The following PFKFB3 variants were observed in gnomAD, a reference collection of about 807,000 sequenced individuals.
PFKFB3 encodes 6-phosphofructo-2-kinase/fructose-2,6-bisphosphatase 3.
A neutral mutation model predicts 68.0 loss-of-function variants in PFKFB3; 33 were observed. The ratio of observed to expected loss-of-function variants is 0.49; its 90% CI spans 0.37 to 0.65. PFKFB3 has a LOEUF of 0.65. PFKFB3 is among the 30% of genes least tolerant of loss of function. The probability of loss-of-function intolerance (pLI) is 0.00; values close to 1 mark genes in which losing one functional copy is unlikely to be tolerated. For missense variants in PFKFB3, 586 were observed against 712.2 expected (o/e 0.82, Z 2.02); for synonymous variants, 315 against 288.2 (o/e 1.09, Z -0.94).
chr10:6,290,604 T>A, the PFKFB3 span, among the ~76,000 whole-genome samples: 8 of 151,674 alleles, frequency 5.3e-5, no homozygotes, highest in Admixed American at 1.3e-4. Context: ...GTACAAATGA[T>A]TCTTGTGCCT....
At chr10:6,267,454 T>C in the PFKFB3 span, among the ~76,000 whole-genome samples, 1 of 152,120 alleles carries the variant, frequency 6.6e-6, no homozygotes, top group Admixed American at 6.5e-5. Flanking sequence ...GGCTCCTTAG[T>C]GGTTAGAGTT....
At chr10:6,247,643 C>G (rs1268751405) in intron 14 of PFKFB3, among the ~76,000 whole-genome samples, 1 of 152,220 alleles carries the variant, frequency 6.6e-6, no homozygotes, top group Non-Finnish European at 1.5e-5. Flanking sequence ...AGGAACGCCT[C>G]CCTCTCCTCT....
chr10:6,194,958 C>T (rs752508980), intron 1 of PFKFB3, among the ~76,000 whole-genome samples: 2 of 151,912 alleles, frequency 1.3e-5, no homozygotes, highest in African/African-American at 2.4e-5. Flanking sequence ...CTGCAACCTC[C>T]GCCTCCCAGG....
intron 1 of PFKFB3, chr10:6,152,371 C>G (rs1220789635): frequency 6.6e-6 from 1 of 152,472 alleles, no homozygotes; most frequent in Admixed American, 6.5e-5. Flanking sequence ...AGGCTTTACC[C>G]GTCCACACTG....
Position 6,220,516 on chromosome 10 carries a change from TAGA to T in PFKFB3, c.624-139_624-137del. The T allele has an allele frequency of 1.4e-6, 1 of 702,176 alleles. No individual in the cohort carries two copies. Among genetic ancestry groups the T allele is most frequent in the East Asian group, 2.6e-5 (1 of 37,820 alleles). The allele number at this position is 702,176 out of a possible 1,614,324, so 43.5% of individuals were successfully genotyped here. On this transcript the variant is annotated intron_variant, in intron 7 of 14. Coordinates refer to ENST00000379775, the MANE Select transcript of PFKFB3 (RefSeq NM_004566.4). The surrounding 1 kb of genome is among the most constrained non-coding windows in gnomAD (Gnocchi z 4.1). ...TGTCTTACGCATATGCTCTGCCCCTTAGAAGGATTCAGTCTGTGCCCTGGAGGG... is the reference window on the plus strand; with the variant it reads ...TGTCTTACGCATATGCTCTGCCCCTTAGGATTCAGTCTGTGCCCTGGAGGG...
chr10:6,262,692 G>T, the PFKFB3 span, among the ~76,000 whole-genome samples: 2 of 152,120 alleles, frequency 1.3e-5, no homozygotes, highest in Non-Finnish European at 2.9e-5. Flanking sequence ...TGGTCACATA[G>T]GTTTCAGAGT....
At chr10:6,230,600 G>A (rs1275897608) in intron 14 of PFKFB3, among the ~76,000 whole-genome samples, 1 of 152,100 alleles carries the variant, frequency 6.6e-6, no homozygotes, top group Non-Finnish European at 1.5e-5. Context: ...GGGCTTGCTG[G>A]CATTGGGTCA....
the PFKFB3 span, among the ~76,000 whole-genome samples, chr10:6,301,419 A>G: frequency 6.6e-6 from 1 of 152,192 alleles, no homozygotes; most frequent in African/African-American, 2.4e-5. Context: ...ATCATTTGAG[A>G]TACATCCTTA....
At chr10:6,180,743 TG>T (rs1564602349) in intron 1 of PFKFB3, among the ~76,000 whole-genome samples, 1 of 152,194 alleles carries the variant, frequency 6.6e-6, no homozygotes, top group South Asian at 2.1e-4. Flanking sequence ...AGATTACAGG[TG>T]CAAGCCACCG....
chr10:6,183,761 C>T (rs1842790516), intron 1 of PFKFB3, among the ~76,000 whole-genome samples: 1 of 150,490 alleles, frequency 6.6e-6, no homozygotes, highest in Non-Finnish European at 1.5e-5. Flanking sequence ...GATCTCGGCT[C>T]ACTGCAAGCT....
rs767233787 is a variant in PFKFB3, at chr10:6,213,757, G to A, written c.202+9G>A. On this transcript the variant is annotated intron_variant, in intron 2 of 14. Transcript: ENST00000379775. ...TGGCGTCCCCACAAAAGGTGAGACT[G>A]GGTCTCGAGGCCGGACCCCTGCTCG... 6.2e-7 allele frequency: 1 copy of A among 1,610,454 alleles called. No individual in the cohort carries two copies. Among genetic ancestry groups the A allele is most frequent in the Non-Finnish European group, 8.5e-7 (1 of 1,178,430 alleles).
chr10:6,258,080 T>C (rs1846508707), downstream of PFKFB3, among the ~76,000 whole-genome samples: 1 of 152,122 alleles, frequency 6.6e-6, no homozygotes, highest in East Asian at 1.9e-4. Flanking sequence ...TATGCAGCCA[T>C]CAATAAGAAG....
chr10:6,302,362 G>GTTTTTTTTTT, the PFKFB3 span, among the ~76,000 whole-genome samples: 4 of 78,514 alleles, frequency 5.1e-5, no homozygotes, highest in African/African-American at 1.9e-4. Context: ...TGCCTGGCCA[G>GTTTTTTTTTT]TTTTTTTTTT....
At chr10:6,184,771 C>CTTTTTT (rs35388630) in intron 1 of PFKFB3, among the ~76,000 whole-genome samples, 1 of 121,450 alleles carries the variant, frequency 8.2e-6, no homozygotes, top group Non-Finnish European at 1.6e-5. Flanking sequence ...CGCGCCTGGC[C>CTTTTTT]TTTTTTTTTT....
the PFKFB3 span, among the ~76,000 whole-genome samples, chr10:6,268,600 G>A: frequency 2.6e-5 from 4 of 152,064 alleles, no homozygotes; most frequent in East Asian, 7.7e-4. Context: ...ACTCCAGCCT[G>A]GGTGACAGAA....
chr10:6,178,797 C>T (rs1394037270), intron 1 of PFKFB3, among the ~76,000 whole-genome samples: 1 of 152,220 alleles, frequency 6.6e-6, no homozygotes, highest in Non-Finnish European at 1.5e-5. Flanking sequence ...GTGTCCAGCC[C>T]CACCTGCCCC....
At chr10:6,208,316 G>C (rs1208700062) in intron 1 of PFKFB3, among the ~76,000 whole-genome samples, 1 of 143,018 alleles carries the variant, frequency 7.0e-6, no homozygotes, top group Non-Finnish European at 1.5e-5. Context: ...CTCAAGCAAT[G>C]CCCCCTTGGC....
intron 14 of PFKFB3, among the ~76,000 whole-genome samples, chr10:6,227,616 T>C (rs1048018916): frequency 6.6e-6 from 1 of 152,106 alleles, no homozygotes; most frequent in East Asian, 1.9e-4. Context: ...GTGTCGGGCA[T>C]GTGGTGGGGA....
chr10:6,216,845 C>G, intron 5 of PFKFB3, 65 bp downstream of exon 5: 2 of 1,165,150 alleles, frequency 1.7e-6, no homozygotes, highest in Non-Finnish European at 2.6e-6. Flanking sequence ...CAGGAAGCGG[C>G]CTGAGTCCTG....
Sources: allele counts gnomAD v4.1 joint callset (sites outside exome capture counted in the v4.1 genomes callset), GRCh38; gene constraint gnomAD v4.1.1; non-coding constraint Gnocchi (gnomAD v3.1); transcripts MANE v1.5; gene names NCBI Gene and HGNC (gene_info 2026-07-23, HGNC 2026-07-21).